SPATA7: variants seen among roughly 807,000 people sequenced by gnomAD.
SPATA7 encodes the protein spermatogenesis-associated protein 7.
SPATA7 carries 43 observed loss-of-function variants against 51.8 expected under a neutral mutation model. That is an observed-to-expected ratio of 0.83 (90% CI 0.65 to 1.07). The LOEUF is 1.07. Among genes scored for constraint, SPATA7 ranks in the 50% least tolerant of loss-of-function variants. The pLI is 0.00. For missense variants in SPATA7, 683 were observed against 701.3 expected (o/e 0.97, Z 0.30); for synonymous variants, 230 against 252.8 (o/e 0.91, Z 0.86).
chr14:88,394,213 C>A (rs1422121717), intron 3 of SPATA7, among the ~76,000 whole-genome samples: 1 of 152,140 alleles, frequency 6.6e-6, no homozygotes, highest in Non-Finnish European at 1.5e-5. Context: ...TATCACCCTG[C>A]AAATCCTGAA....
intron 3 of SPATA7, among the ~76,000 whole-genome samples, chr14:88,394,338 C>T (rs2075823745): frequency 6.6e-6 from 1 of 152,162 alleles, no homozygotes; most frequent in East Asian, 1.9e-4. Flanking sequence ...CCTGACAAAT[C>T]CCTGGCAACC....
intron 1 of SPATA7, among the ~76,000 whole-genome samples, chr14:88,388,938 A>G (rs1451355458): frequency 6.6e-6 from 1 of 152,208 alleles, no homozygotes; most frequent in Non-Finnish European, 1.5e-5. Context: ...TTCCATGGGA[A>G]ATAGACTTTG....
At chr14:88,431,534 G>A (rs1324771302) in intron 9 of SPATA7, among the ~76,000 whole-genome samples, 1 of 152,012 alleles carries the variant, frequency 6.6e-6, no homozygotes, top group Admixed American at 6.6e-5. Context: ...ATCCTATAGT[G>A]GTATAGAACA....
At chr14:88,391,267 G>A (rs1161708846) in intron 1 of SPATA7, 114 bp from the exon 2 acceptor site, 13 of 952,014 alleles carry the variant, frequency 1.4e-5, no homozygotes, top group Non-Finnish European at 1.7e-5. Context: ...TCACCTTTTA[G>A]GAAAGAAATT....
chr14:88,449,526 T>G (rs1184818832), intron 3 of SPATA7, among the ~76,000 whole-genome samples: 1 of 152,210 alleles, frequency 6.6e-6, no homozygotes, highest in East Asian at 1.9e-4. Context: ...ATGTTTCATG[T>G]GCTGATTAAT....
intron 5 of SPATA7, 80 bp downstream of exon 5, chr14:88,416,924 T>C (rs2076496023): frequency 7.7e-7 from 1 of 1,301,524 alleles, no homozygotes; most frequent in South Asian, 1.3e-5. Flanking sequence ...TTGTTTACTA[T>C]AGTTTAGGGT....
intron 8 of SPATA7, 34 bp from the exon 9 acceptor site, chr14:88,431,138 G>A (rs763142647): frequency 1.2e-6 from 2 of 1,600,426 alleles, no homozygotes; most frequent in Non-Finnish European, 1.7e-6. Context: ...GCCAACCACT[G>A]TTTTGCTCAA....
intron 3 of SPATA7, among the ~76,000 whole-genome samples, chr14:88,394,234 C>T (rs1198202477): frequency 1.3e-5 from 2 of 152,114 alleles, no homozygotes; most frequent in Non-Finnish European, 2.9e-5. Flanking sequence ...GCATTTGCTA[C>T]CTGGCCCTTT....
chr14:88,466,578 G>A (rs2140070058), intron 4 of SPATA7: 1 of 152,292 alleles, frequency 6.6e-6, no homozygotes, highest in East Asian at 1.9e-4. Flanking sequence ...CAAAAAGAAG[G>A]AAAAGGGAAA....
At chr14:88,417,367 C>T (rs57157087) in intron 5 of SPATA7, among the ~76,000 whole-genome samples, 5,122 of 149,712 alleles carry the variant, frequency 0.034, 287 homozygotes, top group African/African-American at 0.12. Flanking sequence ...AGTGCAGTGG[C>T]ATGATCTTGG....
Position 88,438,337 on chromosome 14 carries a change from T to C in SPATA7, c.1715T>C (p.Val572Ala). The stretch of plus-strand genomic sequence containing the variant: ...TCCCAATCTGTTCAGTTCTCCAGTG[T>C]CAAAGGCGACAATAATCATGACATG... ...SPSQSVQFSS[V>A]KGDNNHDMEL... The change falls in exon 12 of 12, where the codon GTC (valine) becomes GCC (alanine). Residue 572 changes from valine to alanine, a missense_variant. Coordinates refer to ENST00000393545, the MANE Select transcript of SPATA7 (RefSeq NM_018418.5). The C allele has an allele frequency of 6.2e-7, 1 of 1,614,042 alleles. No homozygotes were observed. Among genetic ancestry groups the C allele is most frequent in the African/African-American group, 1.3e-5 (1 of 75,044 alleles).
chr14:88,453,709 A>G (rs1490961533), intron 3 of SPATA7, among the ~76,000 whole-genome samples: 1 of 152,222 alleles, frequency 6.6e-6, no homozygotes, highest in East Asian at 1.9e-4. Flanking sequence ...AGAAATACCT[A>G]TTCACTCTTC....
chr14:88,440,028 G>T (rs1052785664), downstream of SPATA7, among the ~76,000 whole-genome samples: 1 of 152,056 alleles, frequency 6.6e-6, no homozygotes, highest in African/African-American at 2.4e-5. Context: ...CCATCTGTTA[G>T]ATCTTTACCC....
chr14:88,452,226 C>G (rs2077255807), intron 3 of SPATA7, among the ~76,000 whole-genome samples: 1 of 152,170 alleles, frequency 6.6e-6, no homozygotes, highest in Non-Finnish European at 1.5e-5. Flanking sequence ...CTACCAAGCT[C>G]TGGGCTGGTA....
chr14:88,413,784 G>C (rs1627444), intron 4 of SPATA7, among the ~76,000 whole-genome samples: 83,436 of 151,568 alleles, frequency 0.55, 25,281 homozygotes, highest in Admixed American at 0.7. Flanking sequence ...TTTATTGAAG[G>C]TTTTTGCTAC....
chr14:88,469,592 G>A lies in SPATA7; in HGVS notation c.255-255G>A. 1 of 1,614,134 alleles carries A rather than the reference G, an allele frequency of 6.2e-7. No individual in the cohort carries two copies. ...GTCCTCTCTTGCCCAGTAAGGAGGTGCTTCATCTTCAGGCCTGTGGTGGCA... is the reference window on the plus strand; with the variant it reads ...GTCCTCTCTTGCCCAGTAAGGAGGTACTTCATCTTCAGGCCTGTGGTGGCA... On this transcript the variant is annotated intron_variant, in intron 4 of 4. Transcript: ENST00000556406. The surrounding 1 kb of genome is among the most constrained non-coding windows in gnomAD (Gnocchi z 4.3).
intron 4 of SPATA7, among the ~76,000 whole-genome samples, chr14:88,465,266 A>T (rs770728696): frequency 3.3e-5 from 5 of 152,186 alleles, no homozygotes; most frequent in Non-Finnish European, 5.9e-5. Context: ...CAGGAGTTGG[A>T]GACCAGCCTG....
Position 88,433,256 on chromosome 14 carries a change from A to C in SPATA7, c.1160+44A>C. 3 of 1,314,096 alleles carry C rather than the reference A, an allele frequency of 2.3e-6. No individual in the cohort carries two copies. In the South Asian group the frequency reaches 3.6e-5, roughly 16 times the overall value. The allele number at this position is 1,314,096 out of a possible 1,614,324, so 81.4% of individuals were successfully genotyped here. A position where few individuals can be genotyped will look rare whatever the true frequency, so the allele number is the denominator to read the frequency against. ...GTTATGTTAATTCAGGAGTACATTA[A>C]ATATTCTTCATATTTCTTCATATGA... On this transcript the variant is annotated intron_variant, in intron 10 of 11. Transcript: ENST00000393545.
chr14:88,435,526 A>G (rs1007271918), intron 10 of SPATA7, among the ~76,000 whole-genome samples: 3 of 152,018 alleles, frequency 2.0e-5, no homozygotes, highest in Non-Finnish European at 2.9e-5. Context: ...GGTCTTATTC[A>G]TTCTTTCTAT....
Sources: allele counts gnomAD v4.1 joint callset (sites outside exome capture counted in the v4.1 genomes callset), GRCh38; gene constraint gnomAD v4.1.1; non-coding constraint Gnocchi (gnomAD v3.1); transcripts MANE v1.5; gene names NCBI Gene and HGNC (gene_info 2026-07-23, HGNC 2026-07-21).